TG: variants seen among roughly 807,000 people sequenced by gnomAD.
TG encodes thyroglobulin, also known as thyroid hormones.
A neutral mutation model predicts 324.7 loss-of-function variants in TG; 270 were observed. The observed-to-expected ratio is 0.83, with a 90% CI of 0.75 to 0.92. The LOEUF is 0.92. Ranked by LOEUF, TG falls within the 40% of genes least tolerant of loss-of-function variation. The probability of loss-of-function intolerance (pLI) is 0.00; values close to 1 mark genes in which losing one functional copy is unlikely to be tolerated. For synonymous variants in TG, 1,401 were observed against 1,327.0 expected (o/e 1.06, Z -1.21); for missense variants, 3,591 against 3,456.4 (o/e 1.04, Z -0.98).
In TG at chr8:132,901,186, T is replaced by C. The variant is rs112564549; in HGVS notation, c.3434-167T>C. Among the ~76,000 whole-genome samples, 252 of 152,364 alleles carry C rather than the reference T, an allele frequency of 1.7e-3. 2 individuals are homozygous for C. Among genetic ancestry groups the C allele is most frequent in the African/African-American group, 5.6e-3 (233 of 41,600 alleles). On this transcript the variant is annotated intron_variant, in intron 15 of 47. Coordinates refer to ENST00000220616, the MANE Select transcript of TG (RefSeq NM_003235.5). ...ACAGAGCTGAGCCAGGTCCAGTGTT[T>C]GCCTTGTTGTCATTCAACCTCCTGG...
chr8:132,888,311 T>A lies in TG; in HGVS notation c.2504T>A (p.Val835Glu), dbSNP rs1469895800. Residue 835 changes from valine (V) to glutamate (E), a missense_variant, in exon 10 of 48, where the codon GTG becomes GAG. Physicochemically the swap from Val to Glu is moderately radical, Grantham distance 121 (BLOSUM62 -2). Coordinates refer to ENST00000220616, the MANE Select transcript of TG (RefSeq NM_003235.5). ...YEAGQQDVFP[V>E]LSQYPSLQDV... is the part of the protein sequence containing the mutation. The stretch of plus-strand genomic sequence containing the variant: ...GCTGGCCAGCAAGATGTCTTCCCGG[T>A]GCTGTCACAATACCCTTCTCTGCAA... The A allele has an allele frequency of 6.2e-7, 1 of 1,614,018 alleles. No homozygotes were observed. The highest frequency in any genetic ancestry group is 1.3e-5 in the African/African-American group (1 of 74,902).
intron 6 of TG, 128 bp from the exon 7 acceptor site, chr8:132,882,341 G>A (rs1450947228): frequency 8.9e-7 from 1 of 1,124,184 alleles, no homozygotes; most frequent in African/African-American, 1.5e-5. Context: ...AACTGTTAAA[G>A]TGTTGTTCAG....
chr8:133,032,222 G>A (rs972231969), intron 41 of TG, among the ~76,000 whole-genome samples: 10 of 152,184 alleles, frequency 6.6e-5, no homozygotes, highest in Non-Finnish European at 1.2e-4. Flanking sequence ...CCCCTTTCTT[G>A]TGAGTCTTGT....
chr8:132,919,974 A>G (rs908479356), intron 21 of TG, among the ~76,000 whole-genome samples: 1 of 152,234 alleles, frequency 6.6e-6, no homozygotes, highest in Non-Finnish European at 1.5e-5. Flanking sequence ...AAGAAAAGAA[A>G]GTTAGTCAAA....
At chr8:133,111,098 T>C (rs1173016054) in intron 43 of TG, among the ~76,000 whole-genome samples, 1 of 152,226 alleles carries the variant, frequency 6.6e-6, no homozygotes, top group African/African-American at 2.4e-5. Context: ...CCAAACTCAA[T>C]GCTCTTTTCA....
At position 133,132,416 on chromosome 8, in the gene TG, T is replaced by C. The variant is rs549420724; in HGVS notation, c.7997+470T>C. On this transcript the variant is annotated intron_variant, in intron 46 of 47. Coordinates refer to ENST00000220616, the MANE Select transcript of TG (RefSeq NM_003235.5). ...TCCACAGAGGGGAATACCAGTGCCT[T>C]GGGTTTTCAGCTTAAGTTGAAATGC... Among the ~76,000 whole-genome samples the C allele has an allele frequency of 1.7e-4, 26 of 152,336 alleles. No homozygotes were observed. In the East Asian group the frequency reaches 4.4e-3, roughly 26 times the overall value.
intron 33 of TG, chr8:132,972,269 T>C: frequency 6.4e-6 from 3 of 468,612 alleles, no homozygotes; most frequent in South Asian, 4.3e-5. Flanking sequence ...CTCTGTTTCC[T>C]CCTCATCTGT....
Position 132,868,267 on chromosome 8 carries a change from A to G in TG, c.176+44A>G, listed in dbSNP as rs573000937. 4.5e-6 allele frequency: 7 copies of G among 1,559,440 alleles called. No individual in the cohort carries two copies. In the East Asian group the frequency reaches 6.7e-5, roughly 15 times the overall value. ...GCGAACTCTCAAGGTCCAAGATGCC[A>G]TAAAAAGCATCTTGTGCCTTCCCCC... On this transcript the variant is annotated intron_variant, in intron 2 of 47. Transcript: ENST00000220616.
chr8:133,089,828 C>G (rs1034785432), intron 41 of TG, among the ~76,000 whole-genome samples: 2 of 152,310 alleles, frequency 1.3e-5, no homozygotes, highest in Non-Finnish European at 1.5e-5. Context: ...CCCACTCCCC[C>G]TCGGAATGGT....
chr8:133,015,933 C>CT (rs970039147), intron 37 of TG, among the ~76,000 whole-genome samples: 1 of 152,110 alleles, frequency 6.6e-6, no homozygotes, highest in Non-Finnish European at 1.5e-5. Flanking sequence ...TCCTCTTTCT[C>CT]TTTTTTTCTC....
At chr8:132,924,062 T>C (rs1821475871) in intron 22 of TG, among the ~76,000 whole-genome samples, 2 of 152,148 alleles carry the variant, frequency 1.3e-5, no homozygotes, top group South Asian at 4.1e-4. Context: ...GAAATAATTA[T>C]ACAACTCACC....
intron 20 of TG, 50 bp from the exon 21 acceptor site, chr8:132,919,326 T>G: frequency 6.3e-7 from 1 of 1,588,428 alleles, no homozygotes; most frequent in Admixed American, 1.7e-5. Context: ...GGATTGTAAC[T>G]GTGAAGCATG....
chr8:132,883,326 G>C lies in TG; in HGVS notation c.1075+327G>C, dbSNP rs114879634. 1,378 of 330,858 alleles carry C rather than the reference G, an allele frequency of 4.2e-3. 17 individuals are homozygous for C. Among genetic ancestry groups the C allele is most frequent in the African/African-American group, 0.027 (1,277 of 47,278 alleles). 20.5% of individuals were successfully genotyped at this position (330,858 alleles called of 1,614,324 possible). A position where few individuals can be genotyped will look rare whatever the true frequency, so the allele number is the denominator to read the frequency against. ...AAGGAGCATGGTGAGGTGGGCATTC[G>C]ATCTTGCAGCAGGTATGGGAAGGAG... On this transcript the variant is annotated intron_variant, in intron 8 of 47. Coordinates refer to ENST00000220616, the MANE Select transcript of TG (RefSeq NM_003235.5).
chr8:132,933,464 GTT>G, intron 23 of TG, 95 bp from the exon 24 acceptor site: 1 of 867,852 alleles, frequency 1.2e-6, no homozygotes. Flanking sequence ...GTGTGTGTGT[GTT>G]TGGGCATGTG....
At chr8:133,050,940 A>T (rs1294098945) in intron 41 of TG, 1 of 1,395,020 alleles carries the variant, frequency 7.2e-7, no homozygotes, top group Admixed American at 1.7e-5. Context: ...GCAAGGGGGA[A>T]GGGGGCAAGG....
chr8:132,967,522 C>T (rs145054209), intron 30 of TG, among the ~76,000 whole-genome samples: 3 of 152,256 alleles, frequency 2.0e-5, no homozygotes, highest in African/African-American at 7.2e-5. Context: ...TGCAATGTTA[C>T]TCTTTTGCCT....
chr8:133,110,941 A>G (rs1312189260), intron 43 of TG, among the ~76,000 whole-genome samples: 1 of 152,184 alleles, frequency 6.6e-6, no homozygotes, highest in Non-Finnish European at 1.5e-5. Flanking sequence ...TGTTCACTTC[A>G]TCTTCACAGG....
chr8:132,930,903 C>T (rs1249705698), intron 23 of TG, among the ~76,000 whole-genome samples: 1 of 152,130 alleles, frequency 6.6e-6, no homozygotes, highest in African/African-American at 2.4e-5. Flanking sequence ...AGCAAGATGC[C>T]ATCCTATCAG....
chr8:133,084,186 G>A (rs1489071286), intron 41 of TG, among the ~76,000 whole-genome samples: 1 of 152,164 alleles, frequency 6.6e-6, no homozygotes, highest in Non-Finnish European at 1.5e-5. Context: ...ACGAAATGGA[G>A]AGAGAGGGGC....
Sources: gnomAD v4.1 joint callset for allele counts (sites outside exome capture counted in the v4.1 genomes callset) on GRCh38, gnomAD v4.1.1 for gene constraint, MANE v1.5 for transcripts, NCBI Gene and HGNC (gene_info 2026-07-23, HGNC 2026-07-21) for gene names.